The following PTPRB variants were observed in gnomAD, a reference collection of about 807,000 sequenced individuals.
The protein encoded by PTPRB is receptor-type tyrosine-protein phosphatase beta.
A neutral mutation model predicts 238.1 loss-of-function variants in PTPRB; 97 were observed. That is an observed-to-expected ratio of 0.41 (90% confidence interval 0.35 to 0.48). PTPRB has a LOEUF of 0.48. Among genes scored for constraint, PTPRB ranks in the 20% least tolerant of loss-of-function variants. PTPRB has a pLI of 0.30. For missense variants in PTPRB, 2,292 were observed against 2,681.9 expected, an observed-to-expected ratio of 0.85 and a Z score of 3.21; for synonymous variants, 970 against 995.4, an observed-to-expected ratio of 0.97 and a Z score of 0.48.
At chr12:70,561,690 G>A (rs1878505840) in intron 16 of PTPRB, among the ~76,000 whole-genome samples, 2 of 152,270 alleles carry the variant, frequency 1.3e-5, no homozygotes, top group African/African-American at 2.4e-5. Context: ...ATGTTCCCAC[G>A]TGGCTCCCCT....
chr12:70,594,766 C>A (rs1197349012), intron 5 of PTPRB, 42 bp from the exon 6 acceptor site: 1 of 1,602,420 alleles, frequency 6.2e-7, no homozygotes. Flanking sequence ...TTAATAATTC[C>A]CTTATAGGAG....
At chr12:70,596,427 A>G in intron 4 of PTPRB, 100 bp from the exon 5 acceptor site, 4 of 1,178,130 alleles carry the variant, frequency 3.4e-6, no homozygotes, top group Non-Finnish European at 4.3e-6. Flanking sequence ...TGCTTATTTT[A>G]CTGCAGTCCA....
chr12:70,524,338 CT>C, intron 33 of PTPRB, 132 bp downstream of exon 33: 2 of 988,252 alleles, frequency 2.0e-6, no homozygotes, highest in Non-Finnish European at 2.8e-6. Flanking sequence ...TGGTTTCAAA[CT>C]CTTAGGCTCA....
rs765527818 is a variant in PTPRB at position 70,555,143 on chromosome 12, A to T, written c.5143+17T>A. 1.2e-5 allele frequency: 19 copies of T among 1,610,886 alleles called. No homozygotes were observed. In the South Asian group the frequency reaches 2.0e-4, roughly 17 times the overall value. ...CAATTCTGTGTCTCAGAGTGGAGTT[A>T]ACTCATGATAACTTACCATCAGCCT... On this transcript the variant is annotated intron_variant, in intron 20 of 33. Coordinates refer to ENST00000334414, the MANE Select transcript of PTPRB (RefSeq NM_001109754.4).
intron 7 of PTPRB, among the ~76,000 whole-genome samples, chr12:70,591,496 G>C (rs955131751): frequency 6.6e-6 from 1 of 152,050 alleles, no homozygotes; most frequent in African/African-American, 2.4e-5. Context: ...TGAAATAATG[G>C]ATATAAATTA....
intron 2 of PTPRB, among the ~76,000 whole-genome samples, chr12:70,626,353 A>G (rs1303352178): frequency 2.1e-5 from 3 of 142,330 alleles, no homozygotes; most frequent in South Asian, 2.2e-4. Context: ...CTATCTATCT[A>G]TCTATCTATC....
intron 18 of PTPRB, among the ~76,000 whole-genome samples, chr12:70,558,188 A>T (rs774530223): frequency 1.3e-4 from 20 of 152,178 alleles, no homozygotes; most frequent in Non-Finnish European, 2.8e-4. Context: ...TTTGGTAACC[A>T]GTGCAGGGTG....
At chr12:70,548,129 C>A (rs1038944756) in intron 21 of PTPRB, among the ~76,000 whole-genome samples, 1 of 152,096 alleles carries the variant, frequency 6.6e-6, no homozygotes, top group Admixed American at 6.5e-5. Context: ...GAATTTGAGG[C>A]CAGCCTGGCC....
At chr12:70,561,206 A>G (rs551627348) in intron 16 of PTPRB, among the ~76,000 whole-genome samples, 91 of 152,266 alleles carry the variant, frequency 6.0e-4, no homozygotes, top group African/African-American at 2.1e-3. Flanking sequence ...TGATGAATAA[A>G]TCGTTGTCAT....
chr12:70,544,779 T>G (rs1313496833), intron 21 of PTPRB, 116 bp from the exon 22 acceptor site: 6 of 595,122 alleles, frequency 1.0e-5, no homozygotes. Context: ...GGGTAGAATA[T>G]GAGTTATGGA....
chr12:70,631,569 A>G (rs992040989), intron 2 of PTPRB, among the ~76,000 whole-genome samples: 11 of 152,370 alleles, frequency 7.2e-5, no homozygotes, highest in African/African-American at 2.6e-4. Flanking sequence ...AAAAGCCAAA[A>G]TAGACAAATG....
chr12:70,559,701 A>T (rs1281672253), intron 17 of PTPRB, 77 bp from the exon 18 acceptor site: 1 of 1,325,016 alleles, frequency 7.5e-7, no homozygotes, highest in African/African-American at 1.5e-5. Flanking sequence ...GCTGAGCAAC[A>T]TCAGACACAC....
intron 11 of PTPRB, among the ~76,000 whole-genome samples, chr12:70,572,333 G>C (rs1371863414): frequency 3.9e-5 from 6 of 152,168 alleles, no homozygotes; most frequent in Non-Finnish European, 7.3e-5. Flanking sequence ...CCTGCACAAA[G>C]TGTCATGTAT....
intron 31 of PTPRB, among the ~76,000 whole-genome samples, chr12:70,532,725 T>C (rs1420934218): frequency 6.6e-6 from 1 of 151,978 alleles, no homozygotes; most frequent in Non-Finnish European, 1.5e-5. Context: ...CACTGCAGCC[T>C]CGACCTCCCA....
chr12:70,539,998 G>A lies in PTPRB; in HGVS notation c.5619C>T (p.Ala1873=), dbSNP rs1874805162. Residue 1873 remains alanine (A), a synonymous_variant, in exon 24 of 34, where the codon GCC becomes GCT. Transcript: ENST00000334414. The part of the protein sequence containing the change: ...KVSHGRERPS[A]RLSIRRDRPL... ...GTCGATCCCTACGAATGCTCAGACG[G>A]GCAGAGGGTCTTTCTCGACCATGGC... The A allele has an allele frequency of 1.2e-6, 2 of 1,609,832 alleles. No individual in the cohort carries two copies. The highest frequency in any genetic ancestry group is 1.7e-6 in the Non-Finnish European group (2 of 1,176,354).
In PTPRB at chr12:70,637,361, C is replaced by T. The variant is rs139855485; in HGVS notation, c.35G>A (p.Cys12Tyr). Reference sequence around the variant, plus strand: ...CTCACCTGAGTTCCTGAAGATCAAGCAGGTAAGAATCACCATGTAAAATTC... The same window carrying T: ...CTCACCTGAGTTCCTGAAGATCAAGTAGGTAAGAATCACCATGTAAAATTC... ...EAEFYMVILT[C>Y]LIFRNSEGFQ... The change falls in exon 1 of 34, where the codon TGC becomes TAC. Residue 12 changes from cysteine (C) to tyrosine (Y), a missense_variant. Coordinates refer to ENST00000334414, the MANE Select transcript of PTPRB (RefSeq NM_001109754.4). 36 of 1,609,244 alleles carry T rather than the reference C, an allele frequency of 2.2e-5. No individual in the cohort carries two copies. Among genetic ancestry groups the T allele is most frequent in the Middle Eastern group, 3.3e-4 (2 of 6,060 alleles).
chr12:70,526,359 G>C (rs1414254296), intron 32 of PTPRB, among the ~76,000 whole-genome samples: 1 of 152,024 alleles, frequency 6.6e-6, no homozygotes, highest in Non-Finnish European at 1.5e-5. Flanking sequence ...TGGACCATCA[G>C]GCCTGGATAA....
rs774585999 is a variant in PTPRB, at chr12:70,587,139, T to A, written c.2179A>T (p.Ile727Phe). 3 of 1,613,934 alleles carry A rather than the reference T, an allele frequency of 1.9e-6. No homozygotes were observed. In the Admixed American group the frequency reaches 5.0e-5, roughly 27 times the overall value. The part of the protein sequence containing the change: ...ISLADRDLLL[I>F]HKSLSKDAKE... The stretch of plus-strand genomic sequence containing the variant: ...GCATCTTTGGAGAGTGACTTGTGGA[T>A]CAGTAAGAGGTCTCTGTCAGCTAGG... The change falls in exon 9 of 34, where the codon ATC (isoleucine) becomes TTC (phenylalanine). Residue 727 changes from isoleucine to phenylalanine, a missense_variant. Physicochemically the swap from Ile to Phe is conservative, Grantham distance 21. Transcript: ENST00000334414.
intron 10 of PTPRB, among the ~76,000 whole-genome samples, chr12:70,578,961 C>T (rs1881080330): frequency 6.6e-6 from 1 of 152,198 alleles, no homozygotes; most frequent in African/African-American, 2.4e-5. Context: ...CCTCCCCAAC[C>T]TCCATTCTCT....
Sources: gnomAD v4.1 joint callset for allele counts (sites outside exome capture counted in the v4.1 genomes callset) on GRCh38, gnomAD v4.1.1 for gene constraint, MANE v1.5 for transcripts, NCBI Gene and HGNC (gene_info 2026-07-23, HGNC 2026-07-21) for gene names.